OPA1: variants seen among roughly 807,000 people sequenced by gnomAD.
The protein encoded by OPA1 is dynamin-like GTPase OPA1, mitochondrial.
Under a neutral mutation model 152.9 loss-of-function variants are expected in OPA1, and 59 were observed. That is an observed-to-expected ratio of 0.39 (90% CI 0.31 to 0.48). The LOEUF is 0.48. OPA1 is among the 20% of genes least tolerant of loss of function. The probability of loss-of-function intolerance (pLI) is 0.96; values close to 1 mark genes in which losing one functional copy is unlikely to be tolerated. For synonymous variants in OPA1, 400 were observed against 389.9 expected, an observed-to-expected ratio of 1.03 and a Z score of -0.31; for missense variants, 1,008 against 1,216.8, an observed-to-expected ratio of 0.83 and a Z score of 2.55.
intron 25 of OPA1, 35 bp from the exon 26 acceptor site, chr3:193,662,787 C>A: frequency 6.3e-7 from 1 of 1,590,116 alleles, no homozygotes. Flanking sequence ...AATTATGAAC[C>A]ATCTAAACAC....
intron 11 of OPA1, among the ~76,000 whole-genome samples, chr3:193,639,197 C>T (rs1356707451): frequency 1.3e-5 from 2 of 152,104 alleles, no homozygotes; most frequent in African/African-American, 2.4e-5. Context: ...GTACCAGTAG[C>T]ATTCTAGGCA....
chr3:193,597,930 T>G (rs1360648360), intron 1 of OPA1, among the ~76,000 whole-genome samples: 1 of 151,662 alleles, frequency 6.6e-6, no homozygotes, highest in African/African-American at 2.4e-5. Flanking sequence ...TCAAAAAAAA[T>G]TAACTGGGCA....
At chr3:193,657,365 T>G in intron 23 of OPA1, 133 bp downstream of exon 23, 1 of 871,040 alleles carries the variant, frequency 1.1e-6, no homozygotes, top group East Asian at 2.7e-5. Context: ...GAAACAGATT[T>G]ATGATCTGTA....
At chr3:193,639,786 A>T (rs1402139587) in intron 11 of OPA1, among the ~76,000 whole-genome samples, 1 of 152,252 alleles carries the variant, frequency 6.6e-6, no homozygotes, top group East Asian at 1.9e-4. Flanking sequence ...AGTCTAGGCT[A>T]CTGGAGTATC....
At chr3:193,603,368 A>G (rs1357612584) in intron 1 of OPA1, 1 of 152,244 alleles carries the variant, frequency 6.6e-6, no homozygotes, top group African/African-American at 2.4e-5. Flanking sequence ...GTTCATTCAG[A>G]TTGCGTATCT....
At chr3:193,680,182 T>A (rs1371811495) in intron 29 of OPA1, among the ~76,000 whole-genome samples, 6 of 150,190 alleles carry the variant, frequency 4.0e-5, no homozygotes, top group Non-Finnish European at 8.9e-5. Flanking sequence ...TTTAGTTTGG[T>A]GTATAAATCA....
chr3:193,685,744 A>G (rs1720849895), intron 29 of OPA1, among the ~76,000 whole-genome samples: 3 of 152,236 alleles, frequency 2.0e-5, no homozygotes, highest in Admixed American at 1.3e-4. Flanking sequence ...TTAATATCCA[A>G]TAAATAAAAA....
chr3:193,688,896 G>C (rs1721306634), intron 29 of OPA1, among the ~76,000 whole-genome samples: 1 of 152,154 alleles, frequency 6.6e-6, no homozygotes. Context: ...TAAGGTAGGA[G>C]AATCGCTTGA....
intron 1 of OPA1, among the ~76,000 whole-genome samples, chr3:193,605,371 G>A (rs544656436): frequency 6.6e-6 from 1 of 152,230 alleles, no homozygotes; most frequent in African/African-American, 2.4e-5. Context: ...AGTGTTACAG[G>A]GGCTGGTGCA....
chr3:193,608,453 G>A (rs1378654552), intron 1 of OPA1, among the ~76,000 whole-genome samples: 7 of 152,066 alleles, frequency 4.6e-5, no homozygotes, highest in African/African-American at 1.7e-4. Context: ...CCTTCATTTC[G>A]TTATGTACCC....
chr3:193,645,711 C>T lies in OPA1; in HGVS notation c.1682-17C>T. ...AGTAATTTTCTTGATGAAAATTTGA[C>T]CATCATTCTTCCCCAGGGAACAGCT... On this transcript the variant is annotated splice_polypyrimidine_tract_variant and intron_variant, in intron 17 of 30. Transcript: ENST00000361510. The T allele has an allele frequency of 6.2e-7, 1 of 1,611,952 alleles. No homozygotes were observed. Among genetic ancestry groups the T allele is most frequent in the Non-Finnish European group, 8.5e-7 (1 of 1,178,548 alleles).
intron 29 of OPA1, among the ~76,000 whole-genome samples, chr3:193,685,898 T>G (rs938994646): frequency 6.6e-6 from 1 of 152,228 alleles, no homozygotes; most frequent in African/African-American, 2.4e-5. Context: ...AAGCTAGGAC[T>G]GTGACTTATC....
chr3:193,673,099 AG>A (rs1326384521), intron 29 of OPA1, among the ~76,000 whole-genome samples: 1 of 152,148 alleles, frequency 6.6e-6, no homozygotes, highest in Non-Finnish European at 1.5e-5. Context: ...GATGAAATGG[AG>A]GGTTAGGAAC....
intron 1 of OPA1, among the ~76,000 whole-genome samples, chr3:193,603,255 T>A (rs140313167): frequency 2.4e-4 from 37 of 152,320 alleles, no homozygotes; most frequent in Admixed American, 3.9e-4. Flanking sequence ...CACGTTAAAT[T>A]TACATCCTTT....
Position 193,642,783 on chromosome 3 carries a change from C to G in OPA1, c.1168C>G (p.Pro390Ala). The G allele has an allele frequency of 6.2e-7, 1 of 1,612,888 alleles. No individual in the cohort carries two copies. The highest frequency in any genetic ancestry group is 8.5e-7 in the Non-Finnish European group (1 of 1,179,028). Reference protein sequence around the residue: ...SPVKVTLSEGPHHVALFKDSS... With the variant: ...SPVKVTLSEGAHHVALFKDSS... The stretch of plus-strand genomic sequence containing the variant: ...CTATCAGGTGACTCTGAGTGAAGGT[C>G]CTCACCATGTGGCCCTATTTAAAGA... The change falls in exon 12 of 31, where the codon CCT becomes GCT. Residue 390 changes from proline to alanine, a missense_variant. Physicochemically the swap from Pro to Ala is conservative, Grantham distance 27 (BLOSUM62 -1). Coordinates refer to ENST00000361510, the MANE Select transcript of OPA1 (RefSeq NM_130837.3).
chr3:193,599,360 T>G lies in OPA1; in HGVS notation c.32+5951T>G, dbSNP rs530019469. ...CCAGCTCCTTGGGTCTCTTGCCCTT[T>G]CATTGTCTCAGCTCTGCACCCTTCT... On this transcript the variant is annotated intron_variant, in intron 1 of 30. Transcript: ENST00000361510. 3.3e-5 allele frequency among the ~76,000 whole-genome samples: 5 copies of G among 152,222 alleles called. No individual in the cohort carries two copies. In the South Asian group the frequency reaches 1.0e-3, roughly 32 times the overall value.
intron 7 of OPA1, among the ~76,000 whole-genome samples, chr3:193,630,235 A>C (rs1731864423): frequency 6.7e-6 from 1 of 150,312 alleles, no homozygotes; most frequent in South Asian, 2.1e-4. Flanking sequence ...AGTCAAAATG[A>C]AAAAAAGCTT....
chr3:193,601,633 T>A (rs1246527952), intron 1 of OPA1, among the ~76,000 whole-genome samples: 2 of 152,220 alleles, frequency 1.3e-5, no homozygotes, highest in Non-Finnish European at 2.9e-5. Context: ...GAGACCCTAC[T>A]GGATATACAA....
rs3772392 is a variant in OPA1, at chr3:193,643,253, G to A, written c.1306-120G>A. On this transcript the variant is annotated intron_variant, in intron 13 of 30. Coordinates refer to ENST00000361510, the MANE Select transcript of OPA1 (RefSeq NM_130837.3). Reference sequence around the variant, plus strand: ...GGATCAGAGAAAGAATACCATTTTTGTGAGCGTCTTATCTGAATGGATGAG... The same window carrying A: ...GGATCAGAGAAAGAATACCATTTTTATGAGCGTCTTATCTGAATGGATGAG... The A allele has an allele frequency of 3.6e-4, 317 of 886,366 alleles. 4 individuals carry two copies. In the East Asian group the frequency reaches 7.1e-3, roughly 20 times the overall value. 54.9% of individuals were successfully genotyped at this position (886,366 alleles called of 1,614,324 possible). A position where few individuals can be genotyped will look rare whatever the true frequency, so the allele number is the denominator to read the frequency against.
Sources: allele counts gnomAD v4.1 joint callset (sites outside exome capture counted in the v4.1 genomes callset), GRCh38; gene constraint gnomAD v4.1.1; transcripts MANE v1.5; gene names NCBI Gene and HGNC (gene_info 2026-07-23, HGNC 2026-07-21).